OR7C1: variants seen among roughly 807,000 people sequenced by gnomAD.
OR7C1 encodes olfactory receptor 7C1.
For synonymous variants in OR7C1, 152 were observed against 160.7 expected, an observed-to-expected ratio of 0.95 and a Z score of 0.41; for missense variants, 324 against 383.3, an observed-to-expected ratio of 0.85 and a Z score of 1.29.
intron 1 of OR7C1, chr19:14,827,852 C>T: frequency 2.5e-6 from 4 of 1,614,114 alleles, no homozygotes; most frequent in Non-Finnish European, 3.4e-6. Context: ...CCATGTAGTG[C>T]AGGGGGTGAC....
chr19:14,822,371 G>GTTTTTT (rs1452782683), intron 1 of OR7C1, among the ~76,000 whole-genome samples: 1 of 89,006 alleles, frequency 1.1e-5, no homozygotes, highest in African/African-American at 4.3e-5. Flanking sequence ...CTTATCTCCT[G>GTTTTTT]TCTTTTTTTT....
intron 1 of OR7C1, among the ~76,000 whole-genome samples, chr19:14,812,184 G>A (rs2044693916): frequency 6.6e-6 from 1 of 152,172 alleles, no homozygotes; most frequent in Admixed American, 6.5e-5. Context: ...AATATGCAAG[G>A]TCTCTTAGGG....
chr19:14,815,712 A>C (rs1163223564), intron 1 of OR7C1, among the ~76,000 whole-genome samples: 2 of 152,156 alleles, frequency 1.3e-5, no homozygotes, highest in African/African-American at 2.4e-5. Context: ...CTGTGTCCCC[A>C]CCGCAAGTCA....
At chr19:14,834,488 A>C (rs1224646458) in intron 1 of OR7C1, among the ~76,000 whole-genome samples, 5 of 152,208 alleles carry the variant, frequency 3.3e-5, no homozygotes, top group Non-Finnish European at 7.3e-5. Context: ...GCAAGTGAGG[A>C]AATAAATGCA....
intron 1 of OR7C1, chr19:14,825,264 A>T (rs751019034): frequency 1.3e-5 from 2 of 152,154 alleles, no homozygotes; most frequent in African/African-American, 4.8e-5. Flanking sequence ...AGAGAGTACA[A>T]TTCTGGTTAT....
At chr19:14,826,205 C>T (rs2044766422) in intron 1 of OR7C1, 1 of 152,038 alleles carries the variant, frequency 6.6e-6, no homozygotes, top group Admixed American at 6.6e-5. Context: ...TCACAATTCC[C>T]CATTCCCAGA....
intron 1 of OR7C1, among the ~76,000 whole-genome samples, chr19:14,821,865 A>C (rs547304246): frequency 6.6e-6 from 1 of 152,324 alleles, no homozygotes; most frequent in South Asian, 2.1e-4. Flanking sequence ...TGCTGGGACA[A>C]CACAAAATGT....
At chr19:14,799,267 G>A in exon 5 of OR7C1, 1 of 1,614,142 alleles carries the variant, frequency 6.2e-7, no homozygotes, top group Non-Finnish European at 8.5e-7. Context: ...TCCTCAGGCT[G>A]TAGATGAAGG....
At chr19:14,818,983 G>A (rs187312261) in intron 1 of OR7C1, among the ~76,000 whole-genome samples, 2 of 151,968 alleles carry the variant, frequency 1.3e-5, no homozygotes, top group African/African-American at 4.8e-5. Flanking sequence ...ATGTACACAT[G>A]TGCCATGTTG....
chr19:14,807,479 T>G (rs1182902783), intron 2 of OR7C1, among the ~76,000 whole-genome samples: 1 of 151,908 alleles, frequency 6.6e-6, no homozygotes, highest in African/African-American at 2.4e-5. Flanking sequence ...TCTGTTCATC[T>G]CTTTCTTGCC....
Position 14,827,166 on chromosome 19 carries a change from C to T in OR7C1, c.-623+7908G>A, listed in dbSNP as rs547079812. On this transcript the variant is annotated intron_variant, in intron 1 of 4. Transcript: ENST00000641666. ...TAAATTCTACAAGACCAGTTGAAATCACAACAAATTGAAACTCCCAGAAAT... is the reference window on the plus strand; with the variant it reads ...TAAATTCTACAAGACCAGTTGAAATTACAACAAATTGAAACTCCCAGAAAT... The T allele has an allele frequency of 3.4e-5, 38 of 1,107,394 alleles. No individual in the cohort carries two copies. In the African/African-American group the frequency reaches 5.6e-4, roughly 16 times the overall value. 68.6% of individuals were successfully genotyped at this position (1,107,394 alleles called of 1,614,324 possible).
At chr19:14,830,665 G>A (rs1299871102) in intron 1 of OR7C1, among the ~76,000 whole-genome samples, 3 of 152,146 alleles carry the variant, frequency 2.0e-5, no homozygotes, top group Non-Finnish European at 2.9e-5. Flanking sequence ...GATTATTAAA[G>A]TTTTAGCTTT....
chr19:14,805,406 ATTTTTTTTTTTTTTT>A (rs33957500), intron 2 of OR7C1, among the ~76,000 whole-genome samples: 5 of 98,058 alleles, frequency 5.1e-5, no homozygotes, highest in African/African-American at 8.2e-5. Context: ...CAGGAAAATA[ATTTTTTTTTTTTTTT>A]TTTTTTTTTT....
chr19:14,805,552 A>C (rs1413742197), intron 2 of OR7C1, among the ~76,000 whole-genome samples: 1 of 150,704 alleles, frequency 6.6e-6, no homozygotes, highest in Non-Finnish European at 1.5e-5. Flanking sequence ...AGTAGCTGGG[A>C]TAAAAGGCAT....
chr19:14,802,802 C>G (rs754913500), intron 2 of OR7C1, among the ~76,000 whole-genome samples: 1 of 152,152 alleles, frequency 6.6e-6, no homozygotes, highest in African/African-American at 2.4e-5. Flanking sequence ...GAAGCTCTGT[C>G]GTTGTCTGGG....
intron 1 of OR7C1, chr19:14,826,045 GA>G (rs1451482423): frequency 2.0e-5 from 3 of 152,122 alleles, no homozygotes; most frequent in Non-Finnish European, 4.4e-5. Flanking sequence ...GACTACTGTT[GA>G]GATTCCCCAT....
At chr19:14,828,418 C>T (rs1273828905) in intron 1 of OR7C1, 5 of 704,844 alleles carry the variant, frequency 7.1e-6, no homozygotes, top group Non-Finnish European at 1.2e-5. Context: ...TTAGGAACTC[C>T]TTCCCACTCT....
chr19:14,818,217 C>T (rs933363017), intron 1 of OR7C1, among the ~76,000 whole-genome samples: 1 of 151,862 alleles, frequency 6.6e-6, no homozygotes, highest in African/African-American at 2.4e-5. Flanking sequence ...CTCAGCCTCC[C>T]GAGTAGCTGC....
At chr19:14,827,013 G>A (rs2044774130) in intron 1 of OR7C1, 2 of 289,196 alleles carry the variant, frequency 6.9e-6, no homozygotes, top group Admixed American at 9.3e-5. Flanking sequence ...TTCCCTGTAT[G>A]AGACAAATGG....
Sources: allele counts gnomAD v4.1 joint callset (sites outside exome capture counted in the v4.1 genomes callset), GRCh38; gene constraint gnomAD v4.1.1; transcripts MANE v1.5; gene names NCBI Gene and HGNC (gene_info 2026-07-23, HGNC 2026-07-21).